Variants in SPAG1 observed in about 807,000 individuals in gnomAD.
The protein encoded by SPAG1 is sperm-associated antigen 1.
A neutral mutation model predicts 100.5 loss-of-function variants in SPAG1; 69 were observed. The observed-to-expected ratio is 0.69, with a 90% CI of 0.57 to 0.84. SPAG1 has a LOEUF of 0.84. Ranked by LOEUF, SPAG1 falls within the 40% of genes least tolerant of loss-of-function variation. SPAG1 has a pLI of 0.00. For missense variants in SPAG1, 955 were observed against 1,133.1 expected, an observed-to-expected ratio of 0.84 and a Z score of 2.26; for synonymous variants, 336 against 411.6, an observed-to-expected ratio of 0.82 and a Z score of 2.22.
At chr8:100,180,394 A>G (rs11785765) in intron 4 of SPAG1, among the ~76,000 whole-genome samples, 25,487 of 152,166 alleles carry the variant, frequency 0.17, 2,452 homozygotes, top group South Asian at 0.23. Flanking sequence ...TAATATAACA[A>G]TATCTAATAA....
chr8:100,196,314 G>A (rs1206122534), intron 10 of SPAG1, among the ~76,000 whole-genome samples: 2 of 152,176 alleles, frequency 1.3e-5, no homozygotes, highest in Non-Finnish European at 2.9e-5. Context: ...TTCCAGAGTG[G>A]CTATACCATT....
At chr8:100,233,315 A>C in intron 15 of SPAG1, 96 bp from the exon 16 acceptor site, 1 of 1,331,738 alleles carries the variant, frequency 7.5e-7, no homozygotes, top group Non-Finnish European at 1.1e-6. Flanking sequence ...AGCAACAGAC[A>C]TATTGAGCTA....
chr8:100,200,962 C>T (rs1817251101), intron 10 of SPAG1, among the ~76,000 whole-genome samples: 3 of 151,708 alleles, frequency 2.0e-5, no homozygotes, highest in South Asian at 4.2e-4. Flanking sequence ...TATATGAAGT[C>T]CAATTTTTTT....
At chr8:100,161,502 TA>T (rs774787999) in intron 1 of SPAG1, among the ~76,000 whole-genome samples, 1 of 152,184 alleles carries the variant, frequency 6.6e-6, no homozygotes, top group Non-Finnish European at 1.5e-5. Flanking sequence ...GGCTGGGATG[TA>T]ACAAAAGCCC....
chr8:100,165,239 A>T, intron 2 of SPAG1: 1 of 520,246 alleles, frequency 1.9e-6, no homozygotes, highest in Non-Finnish European at 3.9e-6. Flanking sequence ...TTCCATCACG[A>T]CTCTAGGAAT....
At position 100,216,238 on chromosome 8, in the gene SPAG1, A is replaced by G. The variant is rs531795168; in HGVS notation, c.1535+2320A>G. Among the ~76,000 whole-genome samples, 3 of 152,272 alleles carry G rather than the reference A, an allele frequency of 2.0e-5. No homozygotes were observed. The East Asian group carries it at 5.8e-4, about 29-fold the overall frequency. On this transcript the variant is annotated intron_variant, in intron 12 of 18. Coordinates refer to ENST00000388798, the MANE Select transcript of SPAG1 (RefSeq NM_003114.5). ...CCAAGCCCGTGGTGATTTGCAGCCA[A>G]CATCCTTTCAGCTCAACTGTCTGTT...
At position 100,239,473 on chromosome 8, in the gene SPAG1, C is replaced by G; in HGVS notation, c.2280+69C>G. 1.0e-6 allele frequency: 1 copy of G among 966,322 alleles called. No homozygotes were observed. Among genetic ancestry groups the G allele is most frequent in the Non-Finnish European group, 1.6e-6 (1 of 619,330 alleles). The allele number at this position is 966,322 out of a possible 1,614,324, so 59.9% of individuals were successfully genotyped here. A position where few individuals can be genotyped will look rare whatever the true frequency, so the allele number is the denominator to read the frequency against. On this transcript the variant is annotated intron_variant, in intron 17 of 18. Transcript: ENST00000388798. This position sits in a 1 kb window ranked among gnomAD's most constrained non-coding sequence, Gnocchi z 5.0. ...TTAGACTGGATTCTAAGGTCATATT[C>G]CTGTGAGTTCTAAAACATTTTTAAT... is the stretch of plus-strand genomic sequence containing the variant.
At position 100,231,200 on chromosome 8, in the gene SPAG1, G is replaced by T; in HGVS notation, c.1900G>T (p.Val634Leu). ...CCTTAAGGAAGAAGGAAATCAATGT[G>T]TAAATGACAAAAACTATAAAGACGC... The part of the protein sequence containing the change: ...KALKEEGNQC[V>L]NDKNYKDALS... Residue 634 changes from valine to leucine, a missense_variant, in exon 15 of 19, where the codon GTA becomes TTA. Physicochemically the swap from Val to Leu is conservative, Grantham distance 32. Coordinates refer to ENST00000388798, the MANE Select transcript of SPAG1 (RefSeq NM_003114.5). 6.2e-7 allele frequency: 1 copy of T among 1,607,666 alleles called. No homozygotes were observed. Among genetic ancestry groups the T allele is most frequent in the Non-Finnish European group, 8.5e-7 (1 of 1,175,872 alleles).
chr8:100,203,269 A>G (rs779666262), intron 10 of SPAG1, among the ~76,000 whole-genome samples: 4 of 152,144 alleles, frequency 2.6e-5, no homozygotes, highest in Non-Finnish European at 5.9e-5. Flanking sequence ...TTGCTCCTCA[A>G]GCTTGCAGAC....
At chr8:100,171,661 G>A (rs1410724733) in intron 3 of SPAG1, among the ~76,000 whole-genome samples, 1 of 152,164 alleles carries the variant, frequency 6.6e-6, no homozygotes, top group African/African-American at 2.4e-5. Flanking sequence ...AGACCACAGG[G>A]TTCTGTCTGG....
chr8:100,194,302 AG>A, intron 10 of SPAG1, 34 bp downstream of exon 10: 1 of 1,594,368 alleles, frequency 6.3e-7, no homozygotes, highest in Non-Finnish European at 8.6e-7. Context: ...TTATGTAAAA[AG>A]CTGCCTTTTA....
chr8:100,165,395 AG>A, intron 2 of SPAG1: 1 of 472,886 alleles, frequency 2.1e-6, no homozygotes, highest in Admixed American at 2.3e-5. Context: ...CTGCTGTGAA[AG>A]GTGTACTTTC....
Position 100,239,998 on chromosome 8 carries a change from GGC to G in SPAG1, c.2281-404_2281-403del, listed in dbSNP as rs1323819379. Among the ~76,000 whole-genome samples, 1 of 152,154 alleles carries G rather than the reference GGC, an allele frequency of 6.6e-6. No individual in the cohort carries two copies. Among genetic ancestry groups the G allele is most frequent in the Non-Finnish European group, 1.5e-5 (1 of 68,018 alleles). ...TCTCACATTTCCACTAAGAGTAAGA[GGC>G]TAATATGTAAGAGAAGCTAGGAAGG... On this transcript the variant is annotated intron_variant, in intron 17 of 18. Transcript: ENST00000388798. This position sits in a 1 kb window ranked among gnomAD's most constrained non-coding sequence, Gnocchi z 5.0.
At chr8:100,208,098 T>C (rs1817580863) in intron 10 of SPAG1, among the ~76,000 whole-genome samples, 1 of 152,224 alleles carries the variant, frequency 6.6e-6, no homozygotes, top group South Asian at 2.1e-4. Context: ...CTTCCTGTTC[T>C]TGTGACATTA....
chr8:100,209,150 T>C (rs1193411973), intron 10 of SPAG1, among the ~76,000 whole-genome samples: 1 of 152,126 alleles, frequency 6.6e-6, no homozygotes, highest in African/African-American at 2.4e-5. Flanking sequence ...ATCTTTCTCC[T>C]GTGCTGGGTG....
At chr8:100,183,906 T>C (rs1254899713) in intron 5 of SPAG1, 50 bp from the exon 6 acceptor site, 2 of 840,110 alleles carry the variant, frequency 2.4e-6, no homozygotes, top group South Asian at 1.6e-5. Flanking sequence ...ATAAATTTAT[T>C]TTCTTGCCTG....
chr8:100,207,924 G>C (rs1203947752), intron 10 of SPAG1, among the ~76,000 whole-genome samples: 2 of 152,266 alleles, frequency 1.3e-5, no homozygotes, highest in Non-Finnish European at 2.9e-5. Flanking sequence ...ACTTTGCAGG[G>C]CTGGGGCAAA....
At chr8:100,220,893 C>G (rs1317641458) in intron 13 of SPAG1, among the ~76,000 whole-genome samples, 1 of 151,756 alleles carries the variant, frequency 6.6e-6, no homozygotes, top group African/African-American at 2.4e-5. Context: ...GCCAACATGG[C>G]GAAACCCCAT....
In SPAG1 at chr8:100,240,640, T is replaced by A; in HGVS notation, c.2518T>A (p.Phe840Ile). The change falls in exon 18 of 19, where the codon TTT becomes ATT. Residue 840 changes from phenylalanine (F) to isoleucine (I), a missense_variant. Physicochemically the swap from Phe to Ile is conservative, Grantham distance 21. Coordinates refer to ENST00000388798, the MANE Select transcript of SPAG1 (RefSeq NM_003114.5). ...AITAPKDLPM[F>I]LSNKLEGDTF... ...CACTGCACCAAAAGATTTGCCGATG[T>A]TTTTAAGTAACAAACTTGAAGGGGA... 6.2e-7 allele frequency: 1 copy of A among 1,614,190 alleles called. No homozygotes were observed. The highest frequency in any genetic ancestry group is 8.5e-7 in the Non-Finnish European group (1 of 1,180,014).
Sources: gnomAD v4.1 joint callset for allele counts (sites outside exome capture counted in the v4.1 genomes callset) on GRCh38, gnomAD v4.1.1 for gene constraint, Gnocchi (gnomAD v3.1) non-coding constraint, MANE v1.5 for transcripts, NCBI Gene and HGNC (gene_info 2026-07-23, HGNC 2026-07-21) for gene names.